The following INPP4B variants were observed in gnomAD, a reference collection of about 807,000 sequenced individuals.
INPP4B encodes inositol polyphosphate-4-phosphatase type II B, also known as inositol polyphosphate 4-phosphatase type II.
INPP4B carries 55 observed loss-of-function variants against 122.5 expected under a neutral mutation model. That is an observed-to-expected ratio of 0.45 (90% CI 0.36 to 0.56). The LOEUF (loss-of-function observed/expected upper bound fraction) is 0.56, where lower values mean the gene tolerates loss of function less well. INPP4B is among the 20% of genes least tolerant of loss of function. INPP4B has a pLI of 0.00. For missense variants in INPP4B, 1,000 were observed against 1,097.7 expected (o/e 0.91, Z 1.26); for synonymous variants, 403 against 388.7 (o/e 1.04, Z -0.43).
intron 23 of INPP4B, among the ~76,000 whole-genome samples, chr4:142,090,271 T>A (rs1042396518): frequency 4.8e-5 from 7 of 144,692 alleles, no homozygotes; most frequent in African/African-American, 1.8e-4. Context: ...ATGGTGTGCT[T>A]CTTACAAGAA....
chr4:142,489,281 G>T (rs1821571360), intron 2 of INPP4B, among the ~76,000 whole-genome samples: 2 of 152,086 alleles, frequency 1.3e-5, no homozygotes, highest in Non-Finnish European at 1.5e-5. Context: ...CCCAGCATGT[G>T]CTCTATTTTG....
Position 142,399,342 on chromosome 4 carries a change from G to A in INPP4B, c.372+3596C>T, listed in dbSNP as rs186132738. Among the ~76,000 whole-genome samples, 73 of 151,908 alleles carry A rather than the reference G, an allele frequency of 4.8e-4. 2 individuals are homozygous for A. Among genetic ancestry groups the A allele is most frequent in the Admixed American group, 4.1e-3 (62 of 15,270 alleles). On this transcript the variant is annotated intron_variant, in intron 7 of 25. Coordinates refer to ENST00000262992, the MANE Select transcript of INPP4B (RefSeq NM_001101669.3). The stretch of plus-strand genomic sequence containing the variant: ...CTCCTGACTAGCTGGGATTACAGGC[G>A]TGTGCCACCACGCCCAGCTAATTTT...
intron 8 of INPP4B, among the ~76,000 whole-genome samples, chr4:142,312,570 C>T (rs373515590): frequency 5.3e-5 from 8 of 152,102 alleles, no homozygotes; most frequent in Admixed American, 2.0e-4. Flanking sequence ...ATGGCTGAGC[C>T]GAAACAGGAA....
intron 2 of INPP4B, among the ~76,000 whole-genome samples, chr4:142,716,152 G>T (rs1346939800): frequency 6.6e-6 from 1 of 152,172 alleles, no homozygotes. Flanking sequence ...GGGGAAAATA[G>T]TCCTCACCTC....
At chr4:142,839,984 C>A (rs113785013) in intron 1 of INPP4B, among the ~76,000 whole-genome samples, 4 of 152,174 alleles carry the variant, frequency 2.6e-5, no homozygotes, top group African/African-American at 4.8e-5. Context: ...ATACAGAGAT[C>A]GCATTCTGAT....
intron 7 of INPP4B, among the ~76,000 whole-genome samples, chr4:142,352,023 T>C (rs1026385294): frequency 6.6e-6 from 1 of 151,962 alleles, no homozygotes; most frequent in Non-Finnish European, 1.5e-5. Context: ...TAAAAACAGA[T>C]CTCGGAAGCT....
At chr4:142,126,003 G>T (rs934624213) in intron 18 of INPP4B, among the ~76,000 whole-genome samples, 2 of 152,128 alleles carry the variant, frequency 1.3e-5, no homozygotes, top group Non-Finnish European at 2.9e-5. Flanking sequence ...ATGCAAAATT[G>T]AGACCATTTG....
intron 23 of INPP4B, among the ~76,000 whole-genome samples, chr4:142,096,495 T>C (rs1781841510): frequency 6.6e-6 from 1 of 152,166 alleles, no homozygotes; most frequent in South Asian, 2.1e-4. Flanking sequence ...ATTTCATAAT[T>C]TGATCGTGTC....
intron 2 of INPP4B, among the ~76,000 whole-genome samples, chr4:142,608,676 C>G (rs1352293569): frequency 6.6e-6 from 1 of 152,136 alleles, no homozygotes; most frequent in Non-Finnish European, 1.5e-5. Context: ...CTGTACAACA[C>G]CCTCCAAGAC....
chr4:142,244,617 C>T (rs1451811599), intron 11 of INPP4B, among the ~76,000 whole-genome samples: 1 of 152,096 alleles, frequency 6.6e-6, no homozygotes, highest in African/African-American at 2.4e-5. Context: ...TTTTCTTCAT[C>T]CAGTCTATCA....
intron 1 of INPP4B, among the ~76,000 whole-genome samples, chr4:142,739,314 A>C (rs1026081140): frequency 3.9e-5 from 6 of 151,978 alleles, no homozygotes; most frequent in African/African-American, 1.4e-4. Context: ...ATGATATTCC[A>C]TTATATGAGC....
chr4:142,491,507 A>C (rs1821870595), intron 2 of INPP4B, among the ~76,000 whole-genome samples: 1 of 152,032 alleles, frequency 6.6e-6, no homozygotes, highest in Admixed American at 6.6e-5. Context: ...GACAAAAAAA[A>C]TTAGCCAGAC....
chr4:142,627,671 A>AT (rs1746788422), intron 2 of INPP4B, among the ~76,000 whole-genome samples: 1 of 149,012 alleles, frequency 6.7e-6, no homozygotes, highest in African/African-American at 2.5e-5. Flanking sequence ...TTTATTGAGG[A>AT]TTTTTTCACG....
chr4:142,439,579 A>G (rs1248490442), intron 3 of INPP4B, among the ~76,000 whole-genome samples: 1 of 152,224 alleles, frequency 6.6e-6, no homozygotes, highest in Non-Finnish European at 1.5e-5. Flanking sequence ...TTCTTGACAG[A>G]ACAGAAATTC....
intron 1 of INPP4B, among the ~76,000 whole-genome samples, chr4:142,799,476 T>C (rs1003525002): frequency 6.6e-6 from 1 of 151,944 alleles, no homozygotes; most frequent in Non-Finnish European, 1.5e-5. Context: ...ACAGCTAATA[T>C]TTTGCATTCT....
At chr4:142,141,485 T>A (rs1807788405) in intron 18 of INPP4B, among the ~76,000 whole-genome samples, 1 of 152,030 alleles carries the variant, frequency 6.6e-6, no homozygotes, top group Non-Finnish European at 1.5e-5. Context: ...AAAAGGACAA[T>A]CTTCATTCAT....
chr4:142,273,256 G>A (rs1746733422), intron 9 of INPP4B, among the ~76,000 whole-genome samples: 1 of 151,826 alleles, frequency 6.6e-6, no homozygotes, highest in African/African-American at 2.4e-5. Context: ...TGGTAGTATT[G>A]GAACAGTAAC....
intron 7 of INPP4B, among the ~76,000 whole-genome samples, chr4:142,379,363 T>C (rs1310859344): frequency 6.6e-6 from 1 of 152,172 alleles, no homozygotes; most frequent in Non-Finnish European, 1.5e-5. Flanking sequence ...CTTTACTTAA[T>C]GCCACGAAAC....
intron 17 of INPP4B, among the ~76,000 whole-genome samples, chr4:142,158,766 G>A (rs1045681285): frequency 5.9e-5 from 9 of 151,692 alleles, no homozygotes; most frequent in African/African-American, 2.2e-4. Context: ...AACAAGGAAG[G>A]AGAGGGACTA....
Sources: allele counts gnomAD v4.1 joint callset (sites outside exome capture counted in the v4.1 genomes callset), GRCh38; gene constraint gnomAD v4.1.1; transcripts MANE v1.5; gene names NCBI Gene and HGNC (gene_info 2026-07-23, HGNC 2026-07-21).